The following SYNJ2 variants were observed in gnomAD, a reference collection of about 807,000 sequenced individuals.
SYNJ2 encodes the protein polyphosphatidylinositol phosphatase SYNJ2.
SYNJ2 carries 116 observed loss-of-function variants against 141.3 expected under a neutral mutation model. That is an observed-to-expected ratio of 0.82 (90% confidence interval 0.71 to 0.96). The LOEUF is 0.96. Among genes scored for constraint, SYNJ2 ranks in the 40% least tolerant of loss-of-function variants. SYNJ2 has a pLI of 0.00. For synonymous variants in SYNJ2, 745 were observed against 777.7 expected (o/e 0.96, Z 0.70); for missense variants, 1,873 against 1,934.8 (o/e 0.97, Z 0.60).
At chr6:157,983,142 C>T (rs1777075439) in intron 1 of SYNJ2, among the ~76,000 whole-genome samples, 1 of 152,222 alleles carries the variant, frequency 6.6e-6, no homozygotes, top group Admixed American at 6.5e-5. Flanking sequence ...TGCCTCTAGC[C>T]TTCTTTTCAC....
chr6:157,983,632 T>C (rs1777091781), intron 1 of SYNJ2, among the ~76,000 whole-genome samples: 1 of 152,194 alleles, frequency 6.6e-6, no homozygotes, highest in Admixed American at 6.5e-5. Context: ...TTAAAAATGA[T>C]TAATGACAGT....
At chr6:158,080,556 T>C (rs2128387574) in intron 18 of SYNJ2, among the ~76,000 whole-genome samples, 1 of 151,212 alleles carries the variant, frequency 6.6e-6, no homozygotes, top group Non-Finnish European at 1.5e-5. Flanking sequence ...ATCAACCTCA[T>C]GCATTAAATC....
At chr6:158,056,209 C>A (rs559019316) in intron 6 of SYNJ2, among the ~76,000 whole-genome samples, 2 of 152,332 alleles carry the variant, frequency 1.3e-5, no homozygotes, top group East Asian at 3.9e-4. Context: ...ATACATACAT[C>A]TAGTTGAAGC....
chr6:158,029,804 T>C (rs1173735332), intron 3 of SYNJ2, among the ~76,000 whole-genome samples: 2 of 152,190 alleles, frequency 1.3e-5, no homozygotes, highest in African/African-American at 4.8e-5. Context: ...CTCATCATTA[T>C]TATAAAAACC....
chr6:158,075,957 A>AATCCAGCACTTTGGGAGGCTG (rs372419197), intron 16 of SYNJ2, among the ~76,000 whole-genome samples: 1 of 152,060 alleles, frequency 6.6e-6, no homozygotes, highest in African/African-American at 2.4e-5. Flanking sequence ...TCACGACTGT[A>AATCCAGCACTTTGGGAGGCTG]AGGCGGGAGG....
intron 26 of SYNJ2, chr6:158,094,093 G>C (rs1783647730): frequency 2.9e-6 from 2 of 683,506 alleles, no homozygotes; most frequent in Non-Finnish European, 5.3e-6. Flanking sequence ...GAGAGTGTGA[G>C]GGGGGCTTCG....
intron 3 of SYNJ2, among the ~76,000 whole-genome samples, chr6:158,032,507 C>A (rs1779419376): frequency 6.6e-6 from 1 of 152,190 alleles, no homozygotes; most frequent in South Asian, 2.1e-4. Context: ...GCAAGGGGGC[C>A]AGGCCAGCTC....
intron 3 of SYNJ2, 36 bp from the exon 4 acceptor site, chr6:158,033,419 A>G (rs936416809): frequency 1.9e-5 from 31 of 1,601,566 alleles, no homozygotes; most frequent in Non-Finnish European, 2.4e-5. Context: ...GGAGGATGTC[A>G]AGTGACTGGA....
intron 1 of SYNJ2, among the ~76,000 whole-genome samples, chr6:157,988,793 C>A (rs763425881): frequency 6.6e-6 from 1 of 152,122 alleles, no homozygotes. Context: ...CAGCTGTCCT[C>A]GAGGTGAAAA....
In SYNJ2 at chr6:158,043,343, T is replaced by A. The variant is rs767670359; in HGVS notation, c.739T>A (p.Ser247Thr). The part of the protein sequence containing the change: ...QMIYMDDGVS[S>T]FVQIRGSVPL... Reference sequence around the variant, plus strand: ...GATTTACATGGACGATGGAGTGTCATCTTTTGTCCAGATCAGAGGCTCCGT... The same window carrying A: ...GATTTACATGGACGATGGAGTGTCAACTTTTGTCCAGATCAGAGGCTCCGT... The change falls in exon 5 of 27, where the codon TCT (serine) becomes ACT (threonine). Residue 247 changes from serine to threonine, a missense_variant. Coordinates refer to ENST00000355585, the MANE Select transcript of SYNJ2 (RefSeq NM_003898.4). The surrounding 1 kb of genome is among the most constrained non-coding windows in gnomAD (Gnocchi z 4.0). 6.2e-7 allele frequency: 1 copy of A among 1,614,128 alleles called. No individual in the cohort carries two copies. Among genetic ancestry groups the A allele is most frequent in the East Asian group, 2.2e-5 (1 of 44,886 alleles).
chr6:158,042,530 G>C (rs989126091), intron 4 of SYNJ2, among the ~76,000 whole-genome samples: 1 of 152,256 alleles, frequency 6.6e-6, no homozygotes, highest in Non-Finnish European at 1.5e-5. Context: ...CATCTGATAA[G>C]TGTCGCCGCC....
intron 21 of SYNJ2, 62 bp from the exon 22 acceptor site, chr6:158,083,939 G>C (rs1583496835): frequency 6.3e-7 from 1 of 1,579,704 alleles, no homozygotes; most frequent in African/African-American, 1.3e-5. Flanking sequence ...CCCACTGATG[G>C]AAGACTGAGC....
chr6:158,056,280 G>A (rs184000880), intron 6 of SYNJ2, among the ~76,000 whole-genome samples: 552 of 152,218 alleles, frequency 3.6e-3, no homozygotes, highest in Admixed American at 7.4e-3. Flanking sequence ...TGAGATGCAC[G>A]TACCACAGAG....
intron 4 of SYNJ2, among the ~76,000 whole-genome samples, chr6:158,038,875 C>A (rs527350616): frequency 5.3e-5 from 8 of 152,016 alleles, no homozygotes; most frequent in Non-Finnish European, 1.0e-4. Context: ...GTGTGCTGCG[C>A]GCAGCCCAGG....
intron 7 of SYNJ2, 122 bp from the exon 8 acceptor site, chr6:158,061,870 C>G (rs1295395911): frequency 9.9e-7 from 1 of 1,011,150 alleles, no homozygotes; most frequent in Admixed American, 2.1e-5. Context: ...GAGCTTCCAG[C>G]TAAAGCACGT....
chr6:158,024,635 GA>G (rs1778942239), intron 2 of SYNJ2, among the ~76,000 whole-genome samples: 1 of 152,186 alleles, frequency 6.6e-6, no homozygotes, highest in South Asian at 2.1e-4. Flanking sequence ...TCACTGGAAC[GA>G]TAAACCAGAA....
chr6:158,055,246 G>A lies in SYNJ2; in HGVS notation c.857+218G>A, dbSNP rs568213237. On this transcript the variant is annotated intron_variant, in intron 6 of 26. Coordinates refer to ENST00000355585, the MANE Select transcript of SYNJ2 (RefSeq NM_003898.4). ...TGAAGGTAAATTAATGAATGTTCAG[G>A]TAGCACTTTATAATTATTTTATCTT... 4.1e-4 allele frequency among the ~76,000 whole-genome samples: 62 copies of A among 152,278 alleles called. No individual in the cohort carries two copies. In the South Asian group the frequency reaches 0.012, roughly 30 times the overall value.
intron 4 of SYNJ2, among the ~76,000 whole-genome samples, chr6:158,037,880 A>G (rs1364843832): frequency 6.6e-6 from 1 of 152,248 alleles, no homozygotes; most frequent in African/African-American, 2.4e-5. Context: ...TGGCCCTGTG[A>G]GAACTCTCGC....
chr6:158,075,783 C>T (rs1371104205), intron 16 of SYNJ2, among the ~76,000 whole-genome samples: 7 of 152,252 alleles, frequency 4.6e-5, no homozygotes, highest in Admixed American at 4.6e-4. Context: ...GACGAGTGAC[C>T]ATACCAACCT....
Sources: gnomAD v4.1 joint callset for allele counts (sites outside exome capture counted in the v4.1 genomes callset) on GRCh38, gnomAD v4.1.1 for gene constraint, Gnocchi (gnomAD v3.1) non-coding constraint, MANE v1.5 for transcripts, NCBI Gene and HGNC (gene_info 2026-07-23, HGNC 2026-07-21) for gene names.